Variants in EPS8 observed in about 807,000 individuals in gnomAD.
The protein encoded by EPS8 is EGFR pathway substrate 8, signaling adaptor, also known as epidermal growth factor receptor kinase substrate 8.
In EPS8, 42 loss-of-function variants were observed where a neutral mutation model predicts 103.8. That is an observed-to-expected ratio of 0.40 (90% CI 0.32 to 0.52). The LOEUF (loss-of-function observed/expected upper bound fraction) is 0.52. Ranked by LOEUF, EPS8 falls within the 20% of genes least tolerant of loss-of-function variation. EPS8 has a pLI of 0.40. For synonymous variants in EPS8, 344 were observed against 344.6 expected, an observed-to-expected ratio of 1.00 and a Z score of 0.02; for missense variants, 969 against 1,005.1, an observed-to-expected ratio of 0.96 and a Z score of 0.49.
At chr12:15,628,960 A>C (rs1042051489) in intron 18 of EPS8, among the ~76,000 whole-genome samples, 2 of 152,234 alleles carry the variant, frequency 1.3e-5, no homozygotes, top group Non-Finnish European at 2.9e-5. Context: ...TAAAGTTATC[A>C]AGAAATATTT....
At chr12:15,707,617 T>C (rs1352333901) in intron 1 of EPS8, among the ~76,000 whole-genome samples, 4 of 152,164 alleles carry the variant, frequency 2.6e-5, no homozygotes, top group Non-Finnish European at 5.9e-5. Context: ...AGTCTTCCTC[T>C]GGTATCGCCT....
intron 12 of EPS8, among the ~76,000 whole-genome samples, chr12:15,656,792 C>T (rs985127285): frequency 1.3e-5 from 2 of 152,166 alleles, no homozygotes; most frequent in Non-Finnish European, 2.9e-5. Flanking sequence ...CAAAAACCTG[C>T]TCTACCCAGT....
chr12:15,724,617 C>G (rs1946633239), intron 1 of EPS8, among the ~76,000 whole-genome samples: 1 of 152,150 alleles, frequency 6.6e-6, no homozygotes, highest in Non-Finnish European at 1.5e-5. Context: ...TTATAGCTCC[C>G]ATAATTCCCA....
At chr12:15,642,022 G>A (rs1458563343) in intron 15 of EPS8, among the ~76,000 whole-genome samples, 192 bp from the exon 16 acceptor site, 3 of 151,974 alleles carry the variant, frequency 2.0e-5, no homozygotes, top group Non-Finnish European at 2.9e-5. Context: ...AACAAATTAT[G>A]GCCAGGGATA....
At chr12:15,622,702 C>G (rs932694999) in intron 20 of EPS8, among the ~76,000 whole-genome samples, 1 of 151,860 alleles carries the variant, frequency 6.6e-6, no homozygotes, top group Non-Finnish European at 1.5e-5. Flanking sequence ...ATGTATCTTT[C>G]CCGATTATTG....
intron 18 of EPS8, among the ~76,000 whole-genome samples, chr12:15,628,559 T>C (rs1192283300): frequency 1.3e-5 from 2 of 152,226 alleles, no homozygotes; most frequent in African/African-American, 2.4e-5. Flanking sequence ...TTAAAAGCGA[T>C]AAAAGGAGAA....
At chr12:15,653,692 T>C (rs528176082) in intron 13 of EPS8, among the ~76,000 whole-genome samples, 1 of 152,340 alleles carries the variant, frequency 6.6e-6, no homozygotes, top group East Asian at 1.9e-4. Flanking sequence ...ACAAGTTGTG[T>C]GGCCTTGGGC....
In EPS8 at chr12:15,738,939, T is replaced by C. The variant is rs1038691641; in HGVS notation, c.-22+50222A>G. On this transcript the variant is annotated intron_variant, in intron 1 of 20. Coordinates refer to ENST00000281172, the MANE Select transcript of EPS8 (RefSeq NM_004447.6). The surrounding 1 kb of genome is among the most constrained non-coding windows in gnomAD (Gnocchi z 6.2). ...GACACGACTCTCAAGAGACTTTCAT[T>C]TGGTCTTATTCTGACCCCTTAGTCC... is the stretch of plus-strand genomic sequence containing the variant. Among the ~76,000 whole-genome samples the C allele has an allele frequency of 6.6e-6, 1 of 152,214 alleles. No homozygotes were observed. Among genetic ancestry groups the C allele is most frequent in the African/African-American group, 2.4e-5 (1 of 41,452 alleles).
chr12:15,693,203 G>A lies in EPS8; in HGVS notation c.-21-10231C>T, dbSNP rs1946197886. On this transcript the variant is annotated intron_variant, in intron 1 of 20. Transcript: ENST00000281172. This position sits in a 1 kb window ranked among gnomAD's most constrained non-coding sequence, Gnocchi z 5.6. ...GCATAGATCAGTCAGGTTCTCCAAG[G>A]AAGTATCTTCCCATTCCATGTTTAG... Among the ~76,000 whole-genome samples the A allele has an allele frequency of 6.6e-6, 1 of 152,138 alleles. No individual in the cohort carries two copies. Among genetic ancestry groups the A allele is most frequent in the East Asian group, 1.9e-4 (1 of 5,188 alleles).
In EPS8 at chr12:15,757,813, C is replaced by A. The variant is rs139741902; in HGVS notation, c.-22+31348G>T. Among the ~76,000 whole-genome samples, 2,268 of 152,238 alleles carry A rather than the reference C, an allele frequency of 0.015. 61 individuals carry two copies. Among genetic ancestry groups the A allele is most frequent in the African/African-American group, 0.052 (2,151 of 41,512 alleles). ...TAACCTGTGCATTAGTTATTTACTG[C>A]TCTGTAATAAATTCCTCAAAACTTA... On this transcript the variant is annotated intron_variant, in intron 1 of 20. Coordinates refer to ENST00000281172, the MANE Select transcript of EPS8 (RefSeq NM_004447.6). This position sits in a 1 kb window ranked among gnomAD's most constrained non-coding sequence, Gnocchi z 4.1.
chr12:15,682,512 A>G (rs559639399), intron 2 of EPS8, among the ~76,000 whole-genome samples: 1 of 152,326 alleles, frequency 6.6e-6, no homozygotes, highest in African/African-American at 2.4e-5. Flanking sequence ...AGTTTATACT[A>G]AATGACATTT....
chr12:15,697,681 A>G lies in EPS8; in HGVS notation c.-21-14709T>C, dbSNP rs780161533. ...CATGCTCACATGACCTCTAAAAAGA[A>G]CTACATGGATTTTTTTCTTCTTTTG... On this transcript the variant is annotated intron_variant, in intron 1 of 20. Transcript: ENST00000281172. The surrounding 1 kb of genome is among the most constrained non-coding windows in gnomAD (Gnocchi z 5.6). Among the ~76,000 whole-genome samples the G allele has an allele frequency of 7.9e-5, 12 of 152,216 alleles. No homozygotes were observed. Among genetic ancestry groups the G allele is most frequent in the Non-Finnish European group, 1.5e-4 (10 of 68,026 alleles).
In EPS8 at chr12:15,769,481, T is replaced by A. The variant is rs1947130660; in HGVS notation, c.-22+19680A>T. ...AGCAAACTAGCATTACAGTTATTACTCAACTTTGGAAAAATTACACAAATA... is the reference window on the plus strand; with the variant it reads ...AGCAAACTAGCATTACAGTTATTACACAACTTTGGAAAAATTACACAAATA... On this transcript the variant is annotated intron_variant, in intron 1 of 20. Transcript: ENST00000281172. The surrounding 1 kb of genome is among the most constrained non-coding windows in gnomAD (Gnocchi z 4.6). 6.6e-6 allele frequency among the ~76,000 whole-genome samples: 1 copy of A among 152,200 alleles called. No homozygotes were observed. Among genetic ancestry groups the A allele is most frequent in the African/African-American group, 2.4e-5 (1 of 41,444 alleles).
chr12:15,655,092 T>C (rs190903097), intron 12 of EPS8, among the ~76,000 whole-genome samples: 30 of 152,252 alleles, frequency 2.0e-4, no homozygotes, highest in African/African-American at 7.0e-4. Flanking sequence ...ATTTTTTGAA[T>C]GGCTCCAATC....
chr12:15,778,208 G>A lies in EPS8; in HGVS notation c.-22+10953C>T, dbSNP rs1441655824. 6.6e-6 allele frequency among the ~76,000 whole-genome samples: 1 copy of A among 152,100 alleles called. No individual in the cohort carries two copies. The highest frequency in any genetic ancestry group is 6.5e-5 in the Admixed American group (1 of 15,268). ...ACTTTAAGCAAATCTGAGAATTAAT[G>A]CACACGAAAATCTTCAGAGGGTGAT... On this transcript the variant is annotated intron_variant, in intron 1 of 20. Coordinates refer to ENST00000281172, the MANE Select transcript of EPS8 (RefSeq NM_004447.6). The surrounding 1 kb of genome is among the most constrained non-coding windows in gnomAD (Gnocchi z 4.5).
chr12:15,734,466 G>A lies in EPS8; in HGVS notation c.-21-51494C>T, dbSNP rs554491392. On this transcript the variant is annotated intron_variant, in intron 1 of 20. Coordinates refer to ENST00000281172, the MANE Select transcript of EPS8 (RefSeq NM_004447.6). This position sits in a 1 kb window ranked among gnomAD's most constrained non-coding sequence, Gnocchi z 4.1. ...TCCCAGCACTTTGGGAGGCTGAGGC[G>A]GGTGGATCACGAGGTCAGGAGATCG... Among the ~76,000 whole-genome samples, 733 of 152,132 alleles carry A rather than the reference G, an allele frequency of 4.8e-3. 1 individual carries two copies. Among genetic ancestry groups the A allele is most frequent in the Non-Finnish European group, 7.5e-3 (509 of 68,006 alleles).
Position 15,773,799 on chromosome 12 carries a change from C to T in EPS8, c.-22+15362G>A, listed in dbSNP as rs189823770. 5.4e-3 allele frequency among the ~76,000 whole-genome samples: 821 copies of T among 152,148 alleles called. 9 individuals are homozygous for T. The highest frequency in any genetic ancestry group is 0.014 in the Middle Eastern group (4 of 294). On this transcript the variant is annotated intron_variant, in intron 1 of 20. Coordinates refer to ENST00000281172, the MANE Select transcript of EPS8 (RefSeq NM_004447.6). The stretch of plus-strand genomic sequence containing the variant: ...TATCTGTGTCTAGTAAACAGAGTGA[C>T]AAGGTGGCAATCAGGGGAAGTCAAT...
At chr12:15,682,656 A>G (rs973717279) in intron 2 of EPS8, among the ~76,000 whole-genome samples, 1 of 152,216 alleles carries the variant, frequency 6.6e-6, no homozygotes, top group Non-Finnish European at 1.5e-5. Flanking sequence ...AAACAGAAAC[A>G]TCTTCCAAGT....
In EPS8 at chr12:15,787,694, T is replaced by A. The variant is rs529694045; in HGVS notation, c.-22+1467A>T. Among the ~76,000 whole-genome samples, 11 of 152,298 alleles carry A rather than the reference T, an allele frequency of 7.2e-5. No homozygotes were observed. The highest frequency in any genetic ancestry group is 7.2e-4 in the Admixed American group (11 of 15,300). ...ATAAAGTGAATGACTTGTGGTGCAA[T>A]CTTACAAAGTCTCAATCTGTGTATT... On this transcript the variant is annotated intron_variant, in intron 1 of 20. Transcript: ENST00000281172. The surrounding 1 kb of genome is among the most constrained non-coding windows in gnomAD (Gnocchi z 4.9).
Sources: allele counts gnomAD v4.1 joint callset (sites outside exome capture counted in the v4.1 genomes callset), GRCh38; gene constraint gnomAD v4.1.1; non-coding constraint Gnocchi (gnomAD v3.1); transcripts MANE v1.5; gene names NCBI Gene and HGNC (gene_info 2026-07-23, HGNC 2026-07-21).